CIMIP6: variants seen among roughly 807,000 people sequenced by gnomAD.
CIMIP6 encodes the protein uncharacterized protein C2orf73.
At chr2:54,331,130 G>A in the CIMIP6 span, 1 of 845,618 alleles carries the variant, frequency 1.2e-6, no homozygotes, top group Non-Finnish European at 1.9e-6. Flanking sequence ...CTAATTTCCA[G>A]TTGGCTGAGC....
At chr2:54,381,788 G>A in the CIMIP6 span, 1 of 1,493,344 alleles carries the variant, frequency 6.7e-7, no homozygotes, top group Non-Finnish European at 8.9e-7. Context: ...ACGCTTGATT[G>A]TAAACCATCA....
At chr2:54,337,977 AAAAT>A in the CIMIP6 span, among the ~76,000 whole-genome samples, 2 of 152,200 alleles carry the variant, frequency 1.3e-5, no homozygotes, top group Admixed American at 6.5e-5. Context: ...CAAAAAAATA[AAAAT>A]AAAAAAATAG....
At chr2:54,359,881 G>C in the CIMIP6 span, among the ~76,000 whole-genome samples, 2 of 152,132 alleles carry the variant, frequency 1.3e-5, no homozygotes, top group South Asian at 2.1e-4. Context: ...GCAATCTTTA[G>C]AGCAAGAAAT....
chr2:54,381,338 A>G, the CIMIP6 span, among the ~76,000 whole-genome samples: 2 of 152,228 alleles, frequency 1.3e-5, no homozygotes, highest in Non-Finnish European at 2.9e-5. Context: ...GCGAGTTGTT[A>G]CAACTCTCTA....
chr2:54,371,942 T>C, the CIMIP6 span, among the ~76,000 whole-genome samples: 5 of 152,190 alleles, frequency 3.3e-5, no homozygotes, highest in Non-Finnish European at 7.3e-5. Flanking sequence ...ATCTGTTAAA[T>C]GATAATGTGA....
the CIMIP6 span, among the ~76,000 whole-genome samples, chr2:54,334,125 G>A: frequency 3.7e-3 from 570 of 152,222 alleles, 2 homozygotes; most frequent in Admixed American, 6.1e-3. Context: ...TTTCAAGTAT[G>A]TGAATTTTAA....
chr2:54,353,354 GCT>G, the CIMIP6 span, among the ~76,000 whole-genome samples: 1 of 152,096 alleles, frequency 6.6e-6, no homozygotes, highest in Non-Finnish European at 1.5e-5. Flanking sequence ...CACTTTTAGG[GCT>G]CTGAGTCATG....
chr2:54,363,650 AT>A, the CIMIP6 span, among the ~76,000 whole-genome samples: 2 of 151,410 alleles, frequency 1.3e-5, no homozygotes, highest in African/African-American at 2.4e-5. Flanking sequence ...TTATTTAAAA[AT>A]TTTTTTTTCT....
At chr2:54,373,801 G>A in the CIMIP6 span, among the ~76,000 whole-genome samples, 1 of 152,146 alleles carries the variant, frequency 6.6e-6, no homozygotes. Flanking sequence ...GGTGAGTTAG[G>A]GCTTTGCCTG....
chr2:54,360,297 G>A, the CIMIP6 span: 11 of 1,611,948 alleles, frequency 6.8e-6, no homozygotes, highest in African/African-American at 2.7e-5. Context: ...CCAGGGTCAC[G>A]TTCATCAGAA....
chr2:54,343,122 G>A, the CIMIP6 span, among the ~76,000 whole-genome samples: 8 of 152,160 alleles, frequency 5.3e-5, no homozygotes, highest in African/African-American at 1.9e-4. Context: ...TCAATGAGTT[G>A]CAGTCAGCAA....
the CIMIP6 span, among the ~76,000 whole-genome samples, chr2:54,350,200 T>A: frequency 2.8e-3 from 27 of 9,664 alleles, no homozygotes; most frequent in Admixed American, 0.013. Flanking sequence ...TATGGAAGGT[T>A]TTAGATTACT....
At chr2:54,347,065 G>C in the CIMIP6 span, among the ~76,000 whole-genome samples, 2 of 152,274 alleles carry the variant, frequency 1.3e-5, no homozygotes, top group East Asian at 1.9e-4. Flanking sequence ...CTATGTACTT[G>C]TTACTGTATT....
At chr2:54,349,849 CTTTT>C in the CIMIP6 span, among the ~76,000 whole-genome samples, 4 of 137,928 alleles carry the variant, frequency 2.9e-5, no homozygotes, top group African/African-American at 5.3e-5. Flanking sequence ...AAAAAGAAAT[CTTTT>C]TTTTTTTTTT....
At chr2:54,368,887 G>A in the CIMIP6 span, among the ~76,000 whole-genome samples, 1 of 152,134 alleles carries the variant, frequency 6.6e-6, no homozygotes, top group Admixed American at 6.5e-5. Flanking sequence ...CTCGGACCCT[G>A]CCCTATATGC....
the CIMIP6 span, among the ~76,000 whole-genome samples, chr2:54,339,639 T>A: frequency 2.7e-5 from 2 of 74,984 alleles, 1 homozygote; most frequent in South Asian, 6.1e-4. Flanking sequence ...CTAGTGTTTG[T>A]GATAGTACTT....
At chr2:54,381,746 C>A in the CIMIP6 span, 380,925 of 1,402,476 alleles carry the variant, frequency 0.27, 59,683 homozygotes, top group East Asian at 0.65. Flanking sequence ...ACTTTTCCAT[C>A]ATGGGCACAT....
chr2:54,368,927 T>G, the CIMIP6 span, among the ~76,000 whole-genome samples: 1 of 152,182 alleles, frequency 6.6e-6, no homozygotes, highest in Non-Finnish European at 1.5e-5. Flanking sequence ...TTAATCTGAT[T>G]CTTTTACTGT....
the CIMIP6 span, chr2:54,358,963 A>G: frequency 1.3e-6 from 2 of 1,519,474 alleles, no homozygotes; most frequent in Non-Finnish European, 8.9e-7. Context: ...TTTTAGTACC[A>G]CTTGCCTCTC....
Sources: allele counts gnomAD v4.1 joint callset (sites outside exome capture counted in the v4.1 genomes callset), GRCh38; gene constraint gnomAD v4.1.1; transcripts MANE v1.5; gene names NCBI Gene and HGNC (gene_info 2026-07-23, HGNC 2026-07-21).